ANO10: variants seen among roughly 807,000 people sequenced by gnomAD.
ANO10 encodes the protein anoctamin-10.
Under a neutral mutation model 74.7 loss-of-function variants are expected in ANO10, and 77 were observed. The ratio of observed to expected loss-of-function variants is 1.03; its 90% confidence interval spans 0.86 to 1.25. The LOEUF (loss-of-function observed/expected upper bound fraction) is 1.25. ANO10 is among the 50% of genes most tolerant of loss of function. The pLI is 0.00. For synonymous variants in ANO10, 279 were observed against 284.9 expected, an observed-to-expected ratio of 0.98 and a Z score of 0.21; for missense variants, 721 against 778.1, an observed-to-expected ratio of 0.93 and a Z score of 0.87.
At chr3:43,506,881 TA>T (rs1200006846) in intron 11 of ANO10, among the ~76,000 whole-genome samples, 1 of 152,204 alleles carries the variant, frequency 6.6e-6, no homozygotes, top group Non-Finnish European at 1.5e-5. Flanking sequence ...GAGTGGTTAT[TA>T]CTGATTAACA....
chr3:43,488,477 AAAAC>A (rs1384294789), intron 11 of ANO10, among the ~76,000 whole-genome samples: 4 of 151,846 alleles, frequency 2.6e-5, no homozygotes, highest in South Asian at 2.1e-4. Context: ...TTACAAGAAA[AAAAC>A]AAACAACCCC....
chr3:43,600,020 G>A (rs2082266302), intron 3 of ANO10, among the ~76,000 whole-genome samples: 1 of 152,128 alleles, frequency 6.6e-6, no homozygotes, highest in African/African-American at 2.4e-5. Flanking sequence ...TCAAGCTACT[G>A]AATACTCAAA....
chr3:43,626,026 C>T (rs545629928), upstream of ANO10, among the ~76,000 whole-genome samples: 45 of 152,034 alleles, frequency 3.0e-4, no homozygotes, highest in African/African-American at 9.4e-4. Flanking sequence ...TTCCGCCTCA[C>T]GGGTTCAAAT....
At chr3:43,454,749 G>C (rs1198676694) in intron 11 of ANO10, among the ~76,000 whole-genome samples, 1 of 152,090 alleles carries the variant, frequency 6.6e-6, no homozygotes, top group Non-Finnish European at 1.5e-5. Flanking sequence ...CTTCAGAAGT[G>C]GTGTCTTGGT....
intron 11 of ANO10, among the ~76,000 whole-genome samples, chr3:43,489,802 G>T (rs1056179471): frequency 6.6e-6 from 1 of 151,404 alleles, no homozygotes; most frequent in African/African-American, 2.4e-5. Flanking sequence ...TTTGCCTGGT[G>T]AAAAAAACAA....
At chr3:43,472,367 T>G (rs2075891592) in intron 11 of ANO10, 1 of 93,112 alleles carries the variant, frequency 1.1e-5, no homozygotes, top group African/African-American at 4.0e-5. Context: ...TTTTCCTGTA[T>G]GTAAATTTTT....
At chr3:43,539,108 C>T (rs922744980) in intron 11 of ANO10, among the ~76,000 whole-genome samples, 1 of 152,144 alleles carries the variant, frequency 6.6e-6, no homozygotes, top group African/African-American at 2.4e-5. Context: ...ATACTCTCCA[C>T]TCTCCCTAAG....
At chr3:43,481,921 T>C (rs1019181508) in intron 11 of ANO10, among the ~76,000 whole-genome samples, 1 of 145,200 alleles carries the variant, frequency 6.9e-6, no homozygotes, top group Non-Finnish European at 1.5e-5. Context: ...TTTTTTCTTT[T>C]TTTTTCTTTT....
At chr3:43,684,306 T>C (rs892705250) in intron 1 of ANO10, among the ~76,000 whole-genome samples, 2 of 152,204 alleles carry the variant, frequency 1.3e-5, no homozygotes, top group East Asian at 1.9e-4. Context: ...AAGACATTTA[T>C]GCAGCCAAAA....
intron 1 of ANO10, among the ~76,000 whole-genome samples, chr3:43,640,016 G>A (rs529631407): frequency 2.2e-4 from 34 of 152,270 alleles, no homozygotes; most frequent in Middle Eastern, 3.4e-3. Context: ...GTATGTTAGG[G>A]TGAAAGTGGG....
intron 11 of ANO10, among the ~76,000 whole-genome samples, chr3:43,515,470 C>G (rs750683570): frequency 7.9e-5 from 12 of 152,118 alleles, no homozygotes; most frequent in Non-Finnish European, 1.5e-4. Flanking sequence ...TCCTGGGTAT[C>G]CAGCTTGTCA....
At chr3:43,552,550 C>T (rs1330094049) in intron 10 of ANO10, among the ~76,000 whole-genome samples, 1 of 151,542 alleles carries the variant, frequency 6.6e-6, no homozygotes, top group African/African-American at 2.4e-5. Context: ...TACAGGTTCC[C>T]AGATTTCTTC....
intron 7 of ANO10, among the ~76,000 whole-genome samples, chr3:43,571,809 C>G (rs1256766199): frequency 7.6e-6 from 1 of 131,866 alleles, no homozygotes; most frequent in African/African-American, 2.9e-5. Context: ...ACAATGTGCA[C>G]ATGTACCCTA....
intron 1 of ANO10, among the ~76,000 whole-genome samples, chr3:43,646,155 G>A (rs1388371208): frequency 6.6e-6 from 1 of 152,182 alleles, no homozygotes. Flanking sequence ...ACGTCTGTGG[G>A]AAGTTTCTTA....
At chr3:43,606,141 T>C (rs2082553986) in intron 1 of ANO10, among the ~76,000 whole-genome samples, 1 of 152,156 alleles carries the variant, frequency 6.6e-6, no homozygotes, top group Non-Finnish European at 1.5e-5. Flanking sequence ...TAAAATGTGC[T>C]CTCACACAAG....
At chr3:43,516,440 G>A (rs889971303) in intron 11 of ANO10, among the ~76,000 whole-genome samples, 2 of 152,168 alleles carry the variant, frequency 1.3e-5, no homozygotes, top group East Asian at 1.9e-4. Context: ...AGCGTAGGGC[G>A]AAGGGAGACT....
intron 11 of ANO10, among the ~76,000 whole-genome samples, chr3:43,439,846 C>A (rs1036287133): frequency 2.6e-5 from 4 of 152,130 alleles, no homozygotes. Flanking sequence ...TGTGCCGCTC[C>A]ATTCCAGCCT....
chr3:43,475,762 CAA>C (rs2076042623), intron 11 of ANO10, among the ~76,000 whole-genome samples: 1 of 152,064 alleles, frequency 6.6e-6, no homozygotes, highest in Non-Finnish European at 1.5e-5. Flanking sequence ...CCACACCTGG[CAA>C]AGTTTTTTTT....
chr3:43,432,620 G>A lies in ANO10; in HGVS notation c.1905C>T (p.Leu635=), dbSNP rs760562697. 6.2e-7 allele frequency: 1 copy of A among 1,611,182 alleles called. No individual in the cohort carries two copies. The highest frequency in any genetic ancestry group is 8.5e-7 in the Non-Finnish European group (1 of 1,177,376). Residue 635 remains leucine (L), a synonymous_variant, in exon 12 of 13, where the codon CTC becomes CTT. Coordinates refer to ENST00000292246, the MANE Select transcript of ANO10 (RefSeq NM_018075.5). ...ARLEFESLEA[L]KQQQMKLVTE... is the part of the protein sequence containing the mutation. ...GGACAGCTGCTCTCACCTGCTGCTTGAGTGCCTCCAAAGACTCAAATTCCA... is the reference window on the plus strand; with the variant it reads ...GGACAGCTGCTCTCACCTGCTGCTTAAGTGCCTCCAAAGACTCAAATTCCA...
Sources: gnomAD v4.1 joint callset for allele counts (sites outside exome capture counted in the v4.1 genomes callset) on GRCh38, gnomAD v4.1.1 for gene constraint, MANE v1.5 for transcripts, NCBI Gene and HGNC (gene_info 2026-07-23, HGNC 2026-07-21) for gene names.